The following PTPN1 variants were observed in gnomAD, a reference collection of about 807,000 sequenced individuals.
PTPN1 encodes protein tyrosine phosphatase non-receptor type 1.
PTPN1 carries 12 observed loss-of-function variants against 59.9 expected under a neutral mutation model. The ratio of observed to expected loss-of-function variants is 0.20; its 90% CI spans 0.13 to 0.32. The LOEUF (loss-of-function observed/expected upper bound fraction) is 0.32, where lower values mean the gene tolerates loss of function less well. Among genes scored for constraint, PTPN1 ranks in the 10% least tolerant of loss-of-function variants. PTPN1 has a pLI of 1.00. For synonymous variants in PTPN1, 178 were observed against 203.6 expected (o/e 0.87, Z 1.07); for missense variants, 356 against 549.2 (o/e 0.65, Z 3.52).
At chr20:50,556,279 C>G (rs927591353) in intron 1 of PTPN1, among the ~76,000 whole-genome samples, 1 of 152,056 alleles carries the variant, frequency 6.6e-6, no homozygotes, top group Non-Finnish European at 1.5e-5. Flanking sequence ...GATTCAATCT[C>G]CTGGGCTCAA....
chr20:50,532,333 C>T (rs1451972059), intron 1 of PTPN1, among the ~76,000 whole-genome samples: 1 of 152,202 alleles, frequency 6.6e-6, no homozygotes, highest in Non-Finnish European at 1.5e-5. Flanking sequence ...TTATTATTTA[C>T]AGAGTGTCCC....
intron 1 of PTPN1, among the ~76,000 whole-genome samples, chr20:50,519,291 A>G (rs982202365): frequency 6.6e-6 from 1 of 152,240 alleles, no homozygotes. Flanking sequence ...CTTATCAGAC[A>G]TAGTTAATAC....
At chr20:50,579,956 G>A (rs557443946) in intron 8 of PTPN1, 30 bp downstream of exon 8, 19 of 1,589,400 alleles carry the variant, frequency 1.2e-5, no homozygotes, top group East Asian at 2.2e-5. Context: ...GCTTGTTGGG[G>A]TGAGGGGAAA....
At chr20:50,547,295 T>C (rs1406763703) in intron 1 of PTPN1, among the ~76,000 whole-genome samples, 2 of 152,192 alleles carry the variant, frequency 1.3e-5, no homozygotes, top group Admixed American at 1.3e-4. Flanking sequence ...ACAAAGGCTC[T>C]AGAAGCTTAC....
chr20:50,510,687 T>G, intron 1 of PTPN1, 97 bp downstream of exon 1: 1 of 1,251,446 alleles, frequency 8.0e-7, no homozygotes, highest in Non-Finnish European at 1.1e-6. Flanking sequence ...GGTCTTGCCC[T>G]CTGCCTCGCT....
chr20:50,585,179 T>TAAGAC lies in PTPN1; in HGVS notation c.*2466_*2470dup, dbSNP rs1316967489. The stretch of plus-strand genomic sequence containing the variant: ...ACTTGATATAGAATTGACTTAGAAA[T>TAAGAC]AAGACAGATTAGTATAGTTTTTCAT... On this transcript the variant is annotated 3_prime_UTR_variant, in exon 10 of 10. Transcript: ENST00000371621. 6.6e-6 allele frequency: 1 copy of TAAGAC among 152,202 alleles called. No homozygotes were observed. The highest frequency in any genetic ancestry group is 1.5e-5 in the Non-Finnish European group (1 of 68,032). 9.4% of individuals were successfully genotyped at this position (152,202 alleles called of 1,614,324 possible).
At position 50,584,918 on chromosome 20, in the gene PTPN1, T is replaced by C. The variant is rs1362763068; in HGVS notation, c.*2203T>C. The C allele has an allele frequency of 6.6e-6, 1 of 152,224 alleles. No homozygotes were observed. Among genetic ancestry groups the C allele is most frequent in the Non-Finnish European group, 1.5e-5 (1 of 68,042 alleles). The allele number at this position is 152,224 out of a possible 1,614,324, so 9.4% of individuals were successfully genotyped here. On this transcript the variant is annotated 3_prime_UTR_variant, in exon 10 of 10. Transcript: ENST00000371621. ...AAGAATTAACCTCAGCATCCCTGCA[T>C]TGCCAGCACCCTCAGGCTGGAGCGC...
At chr20:50,539,934 G>T (rs376978225) in intron 1 of PTPN1, among the ~76,000 whole-genome samples, 2 of 150,124 alleles carry the variant, frequency 1.3e-5, no homozygotes, top group East Asian at 1.9e-4. Context: ...TCCGTTTTTC[G>T]TCTGGTACAT....
chr20:50,557,749 C>G (rs2082732216), intron 1 of PTPN1: 1 of 152,242 alleles, frequency 6.6e-6, no homozygotes, highest in African/African-American at 2.4e-5. Flanking sequence ...GATCCCACTG[C>G]TGATCAGTAC....
At chr20:50,516,395 C>G (rs959000534) in intron 1 of PTPN1, among the ~76,000 whole-genome samples, 1 of 152,120 alleles carries the variant, frequency 6.6e-6, no homozygotes, top group Admixed American at 6.6e-5. Flanking sequence ...CCCTTACTTT[C>G]TTTGGGTTTT....
intron 1 of PTPN1, among the ~76,000 whole-genome samples, chr20:50,548,155 C>T (rs991307247): frequency 2.6e-5 from 4 of 152,108 alleles, no homozygotes; most frequent in African/African-American, 7.2e-5. Context: ...TTTTGTGTTT[C>T]GTAATTCTTC....
intron 1 of PTPN1, among the ~76,000 whole-genome samples, chr20:50,525,054 G>C (rs2082568464): frequency 1.3e-5 from 2 of 152,012 alleles, no homozygotes; most frequent in Admixed American, 1.3e-4. Context: ...TATTTTTATG[G>C]TTATTTATAT....
chr20:50,533,974 A>C (rs2122739920), intron 1 of PTPN1, among the ~76,000 whole-genome samples: 1 of 152,278 alleles, frequency 6.6e-6, no homozygotes, highest in East Asian at 1.9e-4. Context: ...TCTCTTGCCC[A>C]GGCTAAAGTG....
chr20:50,555,995 AAT>A (rs1215620491), intron 1 of PTPN1, among the ~76,000 whole-genome samples: 1 of 152,092 alleles, frequency 6.6e-6, no homozygotes, highest in Non-Finnish European at 1.5e-5. Flanking sequence ...TGATACGTAG[AAT>A]AACAAATTTA....
At chr20:50,576,246 C>T (rs893620267) in intron 5 of PTPN1, among the ~76,000 whole-genome samples, 6 of 152,176 alleles carry the variant, frequency 3.9e-5, no homozygotes, top group African/African-American at 4.8e-5. Flanking sequence ...CATTTGCAAG[C>T]CTGACATTAA....
chr20:50,547,569 G>T (rs1244990091), intron 1 of PTPN1, among the ~76,000 whole-genome samples: 1 of 151,982 alleles, frequency 6.6e-6, no homozygotes, highest in Non-Finnish European at 1.5e-5. Flanking sequence ...TCACTATGCT[G>T]GTCAGGCTGG....
chr20:50,583,602 T>A lies in PTPN1; in HGVS notation c.*887T>A, dbSNP rs760928512. ...GCCCCATGTCCAAGTCCAACCTGCC[T>A]GTGCATGACCTGATCATTACATGGC... On this transcript the variant is annotated 3_prime_UTR_variant, in exon 10 of 10. Coordinates refer to ENST00000371621, the MANE Select transcript of PTPN1 (RefSeq NM_002827.4). The A allele has an allele frequency of 3.3e-5, 5 of 152,348 alleles. No individual in the cohort carries two copies. The highest frequency in any genetic ancestry group is 7.3e-5 in the Non-Finnish European group (5 of 68,060). The allele number at this position is 152,348 out of a possible 1,614,324, so 9.4% of individuals were successfully genotyped here. A position where few individuals can be genotyped will look rare whatever the true frequency, so the allele number is the denominator to read the frequency against.
chr20:50,573,366 C>G (rs1298736370), intron 4 of PTPN1: 2 of 152,316 alleles, frequency 1.3e-5, no homozygotes, highest in Non-Finnish European at 2.9e-5. Flanking sequence ...TCTGATCTCT[C>G]TTTTCTGTAA....
chr20:50,571,076 A>G (rs1159518675), intron 4 of PTPN1: 1 of 152,244 alleles, frequency 6.6e-6, no homozygotes, highest in African/African-American at 2.4e-5. Flanking sequence ...CATTACAGCA[A>G]GGAGTGGTGT....
Sources: allele counts gnomAD v4.1 joint callset (sites outside exome capture counted in the v4.1 genomes callset), GRCh38; gene constraint gnomAD v4.1.1; transcripts MANE v1.5; gene names NCBI Gene and HGNC (gene_info 2026-07-23, HGNC 2026-07-21).